The following ELP1 variants were observed in gnomAD, a reference collection of about 807,000 sequenced individuals.
ELP1 encodes elongator complex protein 1.
In ELP1, 131 loss-of-function variants were observed where a neutral mutation model predicts 183.2. The ratio of observed to expected loss-of-function variants is 0.72; its 90% confidence interval spans 0.62 to 0.83. ELP1 has a LOEUF of 0.83. Ranked by LOEUF, ELP1 falls within the 40% of genes least tolerant of loss-of-function variation. ELP1 has a pLI of 0.00. For missense variants in ELP1, 1,550 were observed against 1,594.9 expected (o/e 0.97, Z 0.48); for synonymous variants, 555 against 569.0 (o/e 0.98, Z 0.35).
In ELP1 at chr9:108,871,929, A is replaced by G. The variant is rs538980574; in HGVS notation, c.3932-2747T>C. On this transcript the variant is annotated intron_variant, in intron 36 of 36. Coordinates refer to ENST00000374647, the MANE Select transcript of ELP1 (RefSeq NM_003640.5). Reference sequence around the variant, plus strand: ...AGCTTCATAAATTTCCTTTTCTTTTATAATAGTCCTTGCACTGGGTTCATT... The same window carrying G: ...AGCTTCATAAATTTCCTTTTCTTTTGTAATAGTCCTTGCACTGGGTTCATT... Among the ~76,000 whole-genome samples, 9 of 152,340 alleles carry G rather than the reference A, an allele frequency of 5.9e-5. 1 individual carries two copies. The highest frequency in any genetic ancestry group is 5.2e-4 in the Admixed American group (8 of 15,308).
chr9:108,908,916 C>A (rs992335283), intron 12 of ELP1, among the ~76,000 whole-genome samples: 3 of 152,148 alleles, frequency 2.0e-5, no homozygotes, highest in African/African-American at 4.8e-5. Context: ...ACCACCTTCC[C>A]CTCCTTTGCT....
At chr9:108,901,327 G>A in intron 18 of ELP1, 98 bp downstream of exon 18, 1 of 876,816 alleles carries the variant, frequency 1.1e-6, no homozygotes, top group Non-Finnish European at 1.9e-6. Context: ...AGGACTCCTT[G>A]ATAAAAAGCC....
chr9:108,906,232 G>A (rs1829012840), intron 14 of ELP1, 71 bp downstream of exon 14: 2 of 1,466,074 alleles, frequency 1.4e-6, no homozygotes, highest in East Asian at 2.3e-5. Flanking sequence ...GTCAAAAGTT[G>A]TATGCTCATA....
intron 36 of ELP1, among the ~76,000 whole-genome samples, chr9:108,872,803 T>TCAAAAAAAA (rs1564207087): frequency 3.2e-5 from 2 of 62,786 alleles, no homozygotes; most frequent in African/African-American, 7.8e-5. Context: ...AGACTCTGTC[T>TCAAAAAAAA]GAAAAAAAAA....
At chr9:108,927,020 A>G (rs144916990) in intron 4 of ELP1, among the ~76,000 whole-genome samples, 5 of 152,188 alleles carry the variant, frequency 3.3e-5, no homozygotes, top group Non-Finnish European at 5.9e-5. Flanking sequence ...CAACTCTTAG[A>G]ATAAGTTAAA....
At chr9:108,902,006 T>C (rs1828827197) in intron 16 of ELP1, among the ~76,000 whole-genome samples, 1 of 152,180 alleles carries the variant, frequency 6.6e-6, no homozygotes, top group Non-Finnish European at 1.5e-5. Context: ...GCAGCCAGAA[T>C]CACTGTCCAA....
intron 29 of ELP1, among the ~76,000 whole-genome samples, chr9:108,887,901 T>C (rs1828188776): frequency 6.6e-6 from 1 of 152,194 alleles, no homozygotes; most frequent in Non-Finnish European, 1.5e-5. Context: ...TGCAGCTTCC[T>C]AAAAAGTTAA....
chr9:108,872,498 C>T (rs1827493777), intron 36 of ELP1, among the ~76,000 whole-genome samples: 2 of 152,066 alleles, frequency 1.3e-5, no homozygotes, highest in African/African-American at 2.4e-5. Context: ...TGGAATAAGA[C>T]TTTATCTTAA....
intron 29 of ELP1, among the ~76,000 whole-genome samples, chr9:108,884,396 C>A (rs927516756): frequency 1.3e-5 from 2 of 152,134 alleles, no homozygotes; most frequent in African/African-American, 4.8e-5. Flanking sequence ...GCATGATCAA[C>A]CTAATCTAAC....
Position 108,896,569 on chromosome 9 carries a change from T to C in ELP1, c.2663A>G (p.Asn888Ser). Residue 888 changes from asparagine to serine, a missense_variant, in exon 25 of 37, where the codon AAT becomes AGT. Asn to Ser is a conservative substitution (Grantham distance 46). Coordinates refer to ENST00000374647, the MANE Select transcript of ELP1 (RefSeq NM_003640.5). ...GCCAAGAGAATGATCATATAATTCA[T>C]TAACATCTACCAGATGCAGCAAATA... ...LKYLLHLVDV[N>S]ELYDHSLGTY... The C allele has an allele frequency of 1.9e-6, 3 of 1,613,892 alleles. No individual in the cohort carries two copies. Among genetic ancestry groups the C allele is most frequent in the Non-Finnish European group, 2.5e-6 (3 of 1,179,750 alleles).
intron 27 of ELP1, 79 bp downstream of exon 27, chr9:108,892,907 A>G: frequency 1.1e-6 from 1 of 948,254 alleles, no homozygotes; most frequent in African/African-American, 1.6e-5. Flanking sequence ...GGATGGTGTT[A>G]TGAACTTAGG....
rs1054686731 is a variant in ELP1 at position 108,897,165 on chromosome 9, C to T, written c.2484G>A (p.Glu828=). ...ATACATACTTATGAGGATTTATGCT[C>T]TCCATGACTGCTCTCATAGCATCGC... ...LVCDAMRAVM[E]SINPHKYCLS... Residue 828 remains glutamate, a synonymous_variant, in exon 23 of 37, where the codon GAG becomes GAA. Transcript: ENST00000374647. 1.2e-6 allele frequency: 2 copies of T among 1,614,046 alleles called. No homozygotes were observed. The highest frequency in any genetic ancestry group is 1.7e-6 in the Non-Finnish European group (2 of 1,180,042).
intron 4 of ELP1, 152 bp downstream of exon 4, chr9:108,927,220 C>A: frequency 1.5e-6 from 1 of 664,110 alleles, no homozygotes; most frequent in Non-Finnish European, 2.7e-6. Flanking sequence ...TACACACACA[C>A]ATACATAATT....
chr9:108,889,325 A>T lies in ELP1; in HGVS notation c.3222+7T>A. On this transcript the variant is annotated splice_region_variant and intron_variant, in intron 29 of 36. Transcript: ENST00000374647. The stretch of plus-strand genomic sequence containing the variant: ...TGGGGGGTTTAGAAGGGAGGAATTG[A>T]GTTTACCTGGGCACACTCTTCCAAA... 6.2e-7 allele frequency: 1 copy of T among 1,613,500 alleles called. No homozygotes were observed. Among genetic ancestry groups the T allele is most frequent in the Non-Finnish European group, 8.5e-7 (1 of 1,179,484 alleles).
At chr9:108,898,419 C>G in intron 22 of ELP1, 83 bp downstream of exon 22, 1 of 904,426 alleles carries the variant, frequency 1.1e-6, no homozygotes. Flanking sequence ...AATTTTTCTT[C>G]TCTAGCTATT....
intron 16 of ELP1, among the ~76,000 whole-genome samples, chr9:108,902,394 T>C (rs12339242): frequency 0.11 from 17,274 of 152,190 alleles, 1,432 homozygotes; most frequent in African/African-American, 0.23. Flanking sequence ...AATCATTACA[T>C]TGAAATTAAT....
At position 108,919,216 on chromosome 9, in the gene ELP1, T is replaced by A. The variant is rs773932171; in HGVS notation, c.649+37A>T. ...TTCCTTAATTTTAATAAGATAAAAA[T>A]TTTTTATTGTTGTTTAACTGCAATA... On this transcript the variant is annotated intron_variant, in intron 7 of 36. Coordinates refer to ENST00000374647, the MANE Select transcript of ELP1 (RefSeq NM_003640.5). 7.4e-5 allele frequency: 108 copies of A among 1,455,290 alleles called. 1 individual carries two copies. Among genetic ancestry groups the A allele is most frequent in the Middle Eastern group, 1.7e-4 (1 of 5,786 alleles). The allele number at this position is 1,455,290 out of a possible 1,614,324, so 90.1% of individuals were successfully genotyped here. A position where few individuals can be genotyped will look rare whatever the true frequency, so the allele number is the denominator to read the frequency against.
chr9:108,921,412 A>G lies in ELP1; in HGVS notation c.552+1430T>C, dbSNP rs536471215. On this transcript the variant is annotated intron_variant, in intron 6 of 36. Coordinates refer to ENST00000374647, the MANE Select transcript of ELP1 (RefSeq NM_003640.5). Reference sequence around the variant, plus strand: ...ACTTAGCATAATCTTTATGAGGTTTACCCATGTCATAACATGTATGAGTAA... The same window carrying G: ...ACTTAGCATAATCTTTATGAGGTTTGCCCATGTCATAACATGTATGAGTAA... Among the ~76,000 whole-genome samples the G allele has an allele frequency of 2.6e-5, 4 of 152,328 alleles. No individual in the cohort carries two copies. In the East Asian group the frequency reaches 7.7e-4, roughly 29 times the overall value.
chr9:108,899,466 T>A (rs1167132786), intron 20 of ELP1, among the ~76,000 whole-genome samples: 1 of 152,120 alleles, frequency 6.6e-6, no homozygotes, highest in Non-Finnish European at 1.5e-5. Flanking sequence ...CCGCTGTAAA[T>A]CTATTGAAAG....
Sources: allele counts gnomAD v4.1 joint callset (sites outside exome capture counted in the v4.1 genomes callset), GRCh38; gene constraint gnomAD v4.1.1; transcripts MANE v1.5; gene names NCBI Gene and HGNC (gene_info 2026-07-23, HGNC 2026-07-21).